PXDN: variants seen among roughly 807,000 people sequenced by gnomAD.
PXDN encodes peroxidasin homolog.
Under a neutral mutation model 140.3 loss-of-function variants are expected in PXDN, and 77 were observed. That is an observed-to-expected ratio of 0.55 (90% CI 0.46 to 0.66). The LOEUF (loss-of-function observed/expected upper bound fraction) is 0.66, where lower values mean the gene tolerates loss of function less well. Ranked by LOEUF, PXDN falls within the 30% of genes least tolerant of loss-of-function variation. PXDN has a pLI of 0.00. For missense variants in PXDN, 1,838 were observed against 2,039.5 expected, an observed-to-expected ratio of 0.90 and a Z score of 1.90; for synonymous variants, 911 against 857.4, an observed-to-expected ratio of 1.06 and a Z score of -1.09.
intron 1 of PXDN, among the ~76,000 whole-genome samples, chr2:1,699,232 G>C (rs1009758024): frequency 6.6e-6 from 1 of 152,184 alleles, no homozygotes; most frequent in Non-Finnish European, 1.5e-5. Flanking sequence ...AAAATGCACA[G>C]ACCACTTGGT....
chr2:1,742,141 C>T (rs1299444382), intron 1 of PXDN, among the ~76,000 whole-genome samples: 1 of 152,242 alleles, frequency 6.6e-6, no homozygotes, highest in Non-Finnish European at 1.5e-5. Context: ...ACCAGCGCTA[C>T]GCTCCTCCTC....
At chr2:1,656,666 C>T (rs926500666) in intron 14 of PXDN, among the ~76,000 whole-genome samples, 1 of 151,254 alleles carries the variant, frequency 6.6e-6, no homozygotes, top group African/African-American at 2.4e-5. Context: ...GAAATCTGCC[C>T]CATCCCGACT....
chr2:1,639,284 C>T lies in PXDN; in HGVS notation c.4073+18G>A, dbSNP rs1324316018. On this transcript the variant is annotated intron_variant, in intron 20 of 22. Coordinates refer to ENST00000252804, the MANE Select transcript of PXDN (RefSeq NM_012293.3). The surrounding 1 kb of genome is among the most constrained non-coding windows in gnomAD (Gnocchi z 5.0). ...GAGGGCCCCTCTGCACATCATTTGA[C>T]CTCAGAGACCACCATACCTGGGTAT... 1 of 1,606,528 alleles carries T rather than the reference C, an allele frequency of 6.2e-7. No homozygotes were observed. Among genetic ancestry groups the T allele is most frequent in the African/African-American group, 1.3e-5 (1 of 74,782 alleles).
intron 1 of PXDN, among the ~76,000 whole-genome samples, chr2:1,720,353 G>GA (rs1685010447): frequency 7.2e-6 from 1 of 138,678 alleles, no homozygotes; most frequent in Non-Finnish European, 1.6e-5. Flanking sequence ...TGCAGAGAGA[G>GA]GGAGGGATGC....
intron 1 of PXDN, among the ~76,000 whole-genome samples, chr2:1,695,713 C>A (rs1447773581): frequency 4.9e-4 from 31 of 63,462 alleles, no homozygotes; most frequent in Non-Finnish European, 6.9e-4. Context: ...GTCCCATCCA[C>A]AGGCCCCTGT....
At chr2:1,643,322 A>G in intron 19 of PXDN, 46 bp downstream of exon 19, 1 of 1,589,576 alleles carries the variant, frequency 6.3e-7, no homozygotes, top group South Asian at 1.1e-5. Context: ...GCAGTCACCA[A>G]AACCAGGGAT....
rs1319011472 is a variant in PXDN at position 1,685,705 on chromosome 2, C to T, written c.417-1554G>A. The stretch of plus-strand genomic sequence containing the variant: ...CTGCAATGCAGGTTGGCCAGGGGGA[C>T]GGCTGAGTGGGTGGGACTTGGCACC... On this transcript the variant is annotated intron_variant, in intron 4 of 22. Coordinates refer to ENST00000252804, the MANE Select transcript of PXDN (RefSeq NM_012293.3). The surrounding 1 kb of genome is among the most constrained non-coding windows in gnomAD (Gnocchi z 5.1). Among the ~76,000 whole-genome samples the T allele has an allele frequency of 6.6e-6, 1 of 150,474 alleles. No homozygotes were observed. Among genetic ancestry groups the T allele is most frequent in the Admixed American group, 6.6e-5 (1 of 15,190 alleles).
rs557083753 is a variant in PXDN at position 1,660,884 on chromosome 2, T to C, written c.1834A>G (p.Asn612Asp). The C allele has an allele frequency of 4.3e-6, 7 of 1,609,692 alleles. No homozygotes were observed. The African/African-American group carries it at 6.7e-5, about 15-fold the overall frequency. ...ATGTGGGCATGTGGCATCTTACCAT[T>C]CACACTGAGCACCATGCTCACCGAG... Reference protein sequence around the residue: ...SASVSMVLSVNVPDVSRNGDP... With the variant: ...SASVSMVLSVDVPDVSRNGDP... Residue 612 changes from asparagine to aspartate, a missense_variant, in exon 14 of 23, where the codon AAT (asparagine) becomes GAT (aspartate). Physicochemically the swap from Asn to Asp is conservative, Grantham distance 23 (BLOSUM62 1). Around this residue, in one of 5 missense-constraint regions of PXDN, gnomAD observed 537 missense variants for 583.9 expected, o/e 0.92. Transcript: ENST00000252804. The surrounding 1 kb of genome is among the most constrained non-coding windows in gnomAD (Gnocchi z 4.6).
At chr2:1,729,401 G>A (rs1313778524) in intron 1 of PXDN, among the ~76,000 whole-genome samples, 1 of 152,012 alleles carries the variant, frequency 6.6e-6, no homozygotes, top group African/African-American at 2.4e-5. Context: ...TTCTATATTA[G>A]TCCTGTAGTA....
intron 14 of PXDN, among the ~76,000 whole-genome samples, chr2:1,657,577 T>C (rs910191486): frequency 2.7e-5 from 4 of 146,826 alleles, no homozygotes; most frequent in African/African-American, 1.0e-4. Context: ...GCCTGAAACC[T>C]GGCTGCTGAC....
At chr2:1,702,090 T>G (rs997497794) in intron 1 of PXDN, among the ~76,000 whole-genome samples, 1 of 152,084 alleles carries the variant, frequency 6.6e-6, no homozygotes, top group Non-Finnish European at 1.5e-5. Context: ...GAGATCAAAT[T>G]ACGTTAGTCA....
At chr2:1,647,981 C>A (rs1200912132) in intron 17 of PXDN, among the ~76,000 whole-genome samples, 191 bp downstream of exon 17, 1 of 152,126 alleles carries the variant, frequency 6.6e-6, no homozygotes, top group Admixed American at 6.5e-5. Flanking sequence ...CTGGCTCTGC[C>A]CCCTCCCCAC....
At chr2:1,711,487 G>T (rs62116635) in intron 1 of PXDN, among the ~76,000 whole-genome samples, 2 of 37,322 alleles carry the variant, frequency 5.4e-5, no homozygotes, top group African/African-American at 1.6e-4. Context: ...ACCAGCACCC[G>T]CTCCACCAGC....
At position 1,634,131 on chromosome 2, in the gene PXDN, C is replaced by G; in HGVS notation, c.*73G>C. 2 of 1,535,998 alleles carry G rather than the reference C, an allele frequency of 1.3e-6. No homozygotes were observed. The highest frequency in any genetic ancestry group is 3.5e-4 in the Middle Eastern group (2 of 5,634). On this transcript the variant is annotated 3_prime_UTR_variant, in exon 23 of 23. Transcript: ENST00000252804. ...TCTGGGTGTTTCCTGGTCTGCAGTCCGCAGCTCCCTGCCATCGGCCACCCG... is the reference window on the plus strand; with the variant it reads ...TCTGGGTGTTTCCTGGTCTGCAGTCGGCAGCTCCCTGCCATCGGCCACCCG...
chr2:1,677,696 C>G (rs527868948), intron 7 of PXDN, among the ~76,000 whole-genome samples: 1 of 152,288 alleles, frequency 6.6e-6, no homozygotes, highest in Admixed American at 6.5e-5. Context: ...GGTGGCTGCT[C>G]CGGAGCTCCA....
intron 1 of PXDN, 31 bp downstream of exon 1, chr2:1,744,225 C>A: frequency 6.8e-7 from 1 of 1,464,896 alleles, no homozygotes; most frequent in Non-Finnish European, 9.0e-7. Context: ...GCCCCGGACC[C>A]CGCGCCCCCG....
At chr2:1,724,701 C>T (rs769032161) in intron 1 of PXDN, among the ~76,000 whole-genome samples, 1 of 152,110 alleles carries the variant, frequency 6.6e-6, no homozygotes, top group Non-Finnish European at 1.5e-5. Context: ...GCTCTGTATT[C>T]TGTTTGTTTG....
intron 16 of PXDN, chr2:1,652,930 C>CTGTGTG (rs34590232): frequency 0.048 from 7,107 of 149,232 alleles, 342 homozygotes; most frequent in African/African-American, 0.12. Context: ...CCTCCGTGCT[C>CTGTGTG]TGTGTGTGTG....
rs1412364142 is a variant in PXDN at position 1,651,524 on chromosome 2, G to A, written c.2105-1849C>T. ...CAGCCAACGACATATCCTTATATTC[G>A]CTCCCAGGCCCTTTCTGGTGGAGCA... On this transcript the variant is annotated intron_variant, in intron 16 of 22. Coordinates refer to ENST00000252804, the MANE Select transcript of PXDN (RefSeq NM_012293.3). This position sits in a 1 kb window ranked among gnomAD's most constrained non-coding sequence, Gnocchi z 4.4. Among the ~76,000 whole-genome samples the A allele has an allele frequency of 7.9e-5, 12 of 152,248 alleles. No homozygotes were observed. Among genetic ancestry groups the A allele is most frequent in the Admixed American group, 5.2e-4 (8 of 15,300 alleles).
Sources: allele counts gnomAD v4.1 joint callset (sites outside exome capture counted in the v4.1 genomes callset), GRCh38; gene constraint gnomAD v4.1.1; regional missense constraint gnomAD v4.1.1; non-coding constraint Gnocchi (gnomAD v3.1); transcripts MANE v1.5; gene names NCBI Gene and HGNC (gene_info 2026-07-23, HGNC 2026-07-21).